C7orf78: variants seen among roughly 807,000 people sequenced by gnomAD.
The protein encoded by C7orf78 is putative uncharacterized protein C7orf78.
At chr7:12,516,706 T>G in the C7orf78 span, among the ~76,000 whole-genome samples, 11 of 152,222 alleles carry the variant, frequency 7.2e-5, no homozygotes, top group Middle Eastern at 3.2e-3. Context: ...CAGCATGACC[T>G]GGATGTGAGA....
the C7orf78 span, among the ~76,000 whole-genome samples, chr7:12,496,118 G>C: frequency 6.6e-6 from 1 of 151,994 alleles, no homozygotes; most frequent in Non-Finnish European, 1.5e-5. Context: ...GTAGAGACGG[G>C]GTTTCACCGT....
At chr7:12,511,294 A>T in the C7orf78 span, among the ~76,000 whole-genome samples, 2 of 152,042 alleles carry the variant, frequency 1.3e-5, no homozygotes, top group Non-Finnish European at 2.9e-5. Context: ...TAGATTTGTA[A>T]TATGTTTTGA....
At chr7:12,520,496 A>G in the C7orf78 span, among the ~76,000 whole-genome samples, 1 of 152,164 alleles carries the variant, frequency 6.6e-6, no homozygotes, top group Non-Finnish European at 1.5e-5. Flanking sequence ...TTGTTATTCA[A>G]GAGCGTGTTG....
At chr7:12,540,033 A>G in the C7orf78 span, among the ~76,000 whole-genome samples, 33 of 152,356 alleles carry the variant, frequency 2.2e-4, no homozygotes, top group East Asian at 6.0e-3. Context: ...TGTGTATCAA[A>G]AAGAACAGTC....
At chr7:12,527,713 TG>T in the C7orf78 span, among the ~76,000 whole-genome samples, 1 of 146,932 alleles carries the variant, frequency 6.8e-6, no homozygotes, top group Non-Finnish European at 1.5e-5. Flanking sequence ...GCTGTGTAAT[TG>T]AAATGGAACA....
chr7:12,487,601 T>C, the C7orf78 span, among the ~76,000 whole-genome samples: 1 of 152,056 alleles, frequency 6.6e-6, no homozygotes, highest in Admixed American at 6.6e-5. Flanking sequence ...CTAAAAAATA[T>C]TTTGAGTGTT....
chr7:12,505,015 T>C, the C7orf78 span, among the ~76,000 whole-genome samples: 23 of 152,178 alleles, frequency 1.5e-4, no homozygotes, highest in African/African-American at 5.5e-4. Flanking sequence ...ACTAAAGAAA[T>C]GTATTCCTTT....
At chr7:12,534,741 C>T in the C7orf78 span, among the ~76,000 whole-genome samples, 1 of 152,034 alleles carries the variant, frequency 6.6e-6, no homozygotes, top group Admixed American at 6.6e-5. Flanking sequence ...ACTCTTGAGC[C>T]CAGGAGGCTG....
chr7:12,515,576 C>T, the C7orf78 span, among the ~76,000 whole-genome samples: 30,665 of 151,902 alleles, frequency 0.2, 3,193 homozygotes, highest in East Asian at 0.32. Flanking sequence ...GAGGCTGGAA[C>T]GGTTTGGAGG....
At chr7:12,504,331 G>A in the C7orf78 span, 12 of 152,160 alleles carry the variant, frequency 7.9e-5, no homozygotes, top group African/African-American at 2.7e-4. Context: ...AACAACCAGA[G>A]GCCCTAGTTT....
chr7:12,520,280 G>T, the C7orf78 span, among the ~76,000 whole-genome samples: 9 of 152,138 alleles, frequency 5.9e-5, no homozygotes, highest in African/African-American at 1.9e-4. Flanking sequence ...TGTTTCTTCT[G>T]TCTGGAGAAG....
the C7orf78 span, among the ~76,000 whole-genome samples, chr7:12,506,576 G>C: frequency 6.6e-6 from 1 of 152,070 alleles, no homozygotes; most frequent in Admixed American, 6.6e-5. Context: ...TCACTCATAC[G>C]TGGGAGTTCA....
chr7:12,508,448 T>C, the C7orf78 span, among the ~76,000 whole-genome samples: 1 of 152,188 alleles, frequency 6.6e-6, no homozygotes, highest in Non-Finnish European at 1.5e-5. Flanking sequence ...GAAAATGCTA[T>C]GTAAGGAAAC....
chr7:12,498,838 G>A, the C7orf78 span, among the ~76,000 whole-genome samples: 5 of 150,968 alleles, frequency 3.3e-5, no homozygotes, highest in Admixed American at 3.3e-4. Flanking sequence ...CAGAGAGAAA[G>A]GTCGGGTTAC....
chr7:12,517,237 G>A, the C7orf78 span, among the ~76,000 whole-genome samples: 1 of 152,098 alleles, frequency 6.6e-6, no homozygotes, highest in Non-Finnish European at 1.5e-5. Context: ...TATCAGGGGT[G>A]TCCGCTTTTG....
chr7:12,508,810 C>T, the C7orf78 span, among the ~76,000 whole-genome samples: 5 of 152,224 alleles, frequency 3.3e-5, no homozygotes, highest in East Asian at 3.9e-4. Flanking sequence ...CTTATAGGAG[C>T]GTGAACCCTA....
chr7:12,488,602 C>G, the C7orf78 span, among the ~76,000 whole-genome samples: 26 of 151,868 alleles, frequency 1.7e-4, no homozygotes, highest in African/African-American at 6.3e-4. Context: ...ATCATTTAGC[C>G]AACAGCCCAT....
chr7:12,510,793 A>G, the C7orf78 span, among the ~76,000 whole-genome samples: 1 of 152,090 alleles, frequency 6.6e-6, no homozygotes, highest in South Asian at 2.1e-4. Flanking sequence ...GTTGGATATT[A>G]GCTTTCTGTT....
chr7:12,512,015 T>C, the C7orf78 span, among the ~76,000 whole-genome samples: 3 of 145,718 alleles, frequency 2.1e-5, no homozygotes, highest in African/African-American at 5.1e-5. Flanking sequence ...GACTTCATGA[T>C]CCACCCTCCT....
Sources: allele counts gnomAD v4.1 joint callset (sites outside exome capture counted in the v4.1 genomes callset), GRCh38; gene constraint gnomAD v4.1.1; transcripts MANE v1.5; gene names NCBI Gene and HGNC (gene_info 2026-07-23, HGNC 2026-07-21).